The following KMT2B variants were observed in gnomAD, a reference collection of about 807,000 sequenced individuals.
KMT2B encodes the protein histone-lysine N-methyltransferase 2B.
Under a neutral mutation model 255.3 loss-of-function variants are expected in KMT2B, and 22 were observed. The observed-to-expected ratio is 0.09, with a 90% CI of 0.06 to 0.12. The LOEUF (loss-of-function observed/expected upper bound fraction) is 0.12, where lower values mean the gene tolerates loss of function less well. KMT2B is among the 10% of genes least tolerant of loss of function. The probability of loss-of-function intolerance (pLI) is 1.00; values close to 1 mark genes in which losing one functional copy is unlikely to be tolerated. For missense variants in KMT2B, 3,149 were observed against 3,737.0 expected (o/e 0.84, Z 4.10); for synonymous variants, 1,730 against 1,498.1 (o/e 1.15, Z -3.57).
intron 30 of KMT2B, among the ~76,000 whole-genome samples, chr19:35,735,000 G>A (rs772202848): frequency 3.9e-5 from 6 of 152,168 alleles, no homozygotes; most frequent in African/African-American, 7.2e-5. Context: ...ATTTTGGTGC[G>A]GGACACAGAC....
intron 3 of KMT2B, among the ~76,000 whole-genome samples, chr19:35,722,046 C>T (rs534944723): frequency 6.6e-6 from 1 of 150,868 alleles, no homozygotes; most frequent in South Asian, 2.1e-4. Flanking sequence ...CTCACTTTGT[C>T]CAGGCTGGAG....
chr19:35,722,339 C>G lies in KMT2B; in HGVS notation c.2458-20C>G. ...TCTTTCCTCACTGTCCAGCCCCTGA[C>G]CCTGTTTATTCCCTGCCAGCTGAGC... On this transcript the variant is annotated intron_variant, in intron 3 of 36. Transcript: ENST00000420124. 6.3e-7 allele frequency: 1 copy of G among 1,593,128 alleles called. No homozygotes were observed.
rs1969949727 is a variant in KMT2B at position 35,737,123 on chromosome 19, T to A, written c.7410T>A (p.Asp2470Glu). 1 of 1,610,932 alleles carries A rather than the reference T, an allele frequency of 6.2e-7. No individual in the cohort carries two copies. The highest frequency in any genetic ancestry group is 1.1e-5 in the South Asian group (1 of 90,700). The change falls in exon 33 of 37, where the codon GAT becomes GAA. Residue 2470 changes from aspartate (D) to glutamate (E), a missense_variant. By Grantham distance (45) the Asp-to-Glu change is conservative. Coordinates refer to ENST00000420124, the MANE Select transcript of KMT2B (RefSeq NM_014727.3). This position sits in a 1 kb window ranked among gnomAD's most constrained non-coding sequence, Gnocchi z 5.3. ...CGAGACTCCTGGGCATCCACCATGA[T>A]GCTGTCATCTTCCTGGCCGAGCAGC... ...SGARLLGIHHDAVIFLAEQLP... is the reference protein window; with the variant it reads ...SGARLLGIHHEAVIFLAEQLP...
intron 20 of KMT2B, 47 bp downstream of exon 20, chr19:35,728,936 C>G (rs891359697): frequency 1.2e-6 from 2 of 1,612,500 alleles, no homozygotes; most frequent in Non-Finnish European, 1.7e-6. Context: ...TGTTGGTGGC[C>G]TGGCTCCGGG....
chr19:35,718,856 C>T lies in KMT2B; in HGVS notation c.363+475C>T, dbSNP rs1295028274. On this transcript the variant is annotated intron_variant, in intron 1 of 36. Transcript: ENST00000420124. The surrounding 1 kb of genome is among the most constrained non-coding windows in gnomAD (Gnocchi z 5.0). ...CTCAGGTAGAGTGGTGGAGGGCTTC[C>T]TCTTGGGGCTCGGGTTGAACAGGAG... 6.6e-6 allele frequency among the ~76,000 whole-genome samples: 1 copy of T among 152,178 alleles called. No homozygotes were observed. The highest frequency in any genetic ancestry group is 2.4e-5 in the African/African-American group (1 of 41,442).
intron 26 of KMT2B, among the ~76,000 whole-genome samples, chr19:35,731,368 G>A (rs959824965): frequency 1.1e-4 from 16 of 152,226 alleles, no homozygotes; most frequent in African/African-American, 3.6e-4. Flanking sequence ...GTTATTGTGG[G>A]CAGAGCAGGA....
intron 14 of KMT2B, among the ~76,000 whole-genome samples, 154 bp downstream of exon 14, chr19:35,726,507 C>T (rs911318377): frequency 1.3e-5 from 2 of 152,040 alleles, no homozygotes; most frequent in Admixed American, 6.6e-5. Context: ...CACAGGAGTC[C>T]ATCCAGTATG....
chr19:35,722,333 C>G (rs1359228632), intron 3 of KMT2B, 26 bp from the exon 4 acceptor site: 23 of 1,583,794 alleles, frequency 1.5e-5, no homozygotes, highest in Non-Finnish European at 2.0e-5. Flanking sequence ...ACTGTCCAGC[C>G]CCTGACCCTG....
At chr19:35,722,971 C>G (rs1969281261) in intron 5 of KMT2B, 24 bp from the exon 6 acceptor site, 1 of 1,525,450 alleles carries the variant, frequency 6.6e-7, no homozygotes, top group Admixed American at 2.0e-5. Flanking sequence ...GGCTCCATCC[C>G]CTCCTCCCTG....
rs1250827332 is a variant in KMT2B at position 35,728,853 on chromosome 19, C to T, written c.4651C>T (p.Pro1551Ser). 1 of 1,613,936 alleles carries T rather than the reference C, an allele frequency of 6.2e-7. No homozygotes were observed. The highest frequency in any genetic ancestry group is 1.1e-5 in the South Asian group (1 of 91,082). ...AQWRQQEPET[P>S]ESGQPPGDPS... ...GTGGAGACAGCAGGAACCAGAGACC[C>T]CAGAATCAGGGCAGCCTCCAGGGGA... The change falls in exon 20 of 37, where the codon CCA becomes TCA. Residue 1551 changes from proline to serine, a missense_variant. Coordinates refer to ENST00000420124, the MANE Select transcript of KMT2B (RefSeq NM_014727.3).
chr19:35,718,413 G>A lies in KMT2B; in HGVS notation c.363+32G>A, dbSNP rs1969042881. 3.2e-6 allele frequency: 4 copies of A among 1,244,260 alleles called. No individual in the cohort carries two copies. In the African/African-American group the frequency reaches 6.2e-5, roughly 19 times the overall value. 77.1% of individuals were successfully genotyped at this position (1,244,260 alleles called of 1,614,324 possible). ...CGGTTGGAGGCGTCCCCGGCGCCGGGTGGGGCGGAGGCCGGGGCTTCCAGG... is the reference window on the plus strand; with the variant it reads ...CGGTTGGAGGCGTCCCCGGCGCCGGATGGGGCGGAGGCCGGGGCTTCCAGG... On this transcript the variant is annotated intron_variant, in intron 1 of 36. Coordinates refer to ENST00000420124, the MANE Select transcript of KMT2B (RefSeq NM_014727.3). This position sits in a 1 kb window ranked among gnomAD's most constrained non-coding sequence, Gnocchi z 5.0.
In KMT2B at chr19:35,732,682, C is replaced by T. The variant is rs1969755093; in HGVS notation, c.6133C>T (p.Pro2045Ser). Residue 2045 changes from proline (P) to serine (S), a missense_variant, in exon 28 of 37, where the codon CCT becomes TCT. Physicochemically the swap from Pro to Ser is moderately conservative, Grantham distance 74. Transcript: ENST00000420124. The part of the protein sequence containing the change: ...IHFPVTVVSA[P>S]GLAPSATPGA... ...CTTCCCTGTGACTGTGGTGTCCGCC[C>T]CTGGTCTGGCCCCCAGCGCTACCCC... 3 of 1,608,930 alleles carry T rather than the reference C, an allele frequency of 1.9e-6. No homozygotes were observed. Among genetic ancestry groups the T allele is most frequent in the Non-Finnish European group, 2.5e-6 (3 of 1,178,014 alleles).
rs1301137314 is a variant in KMT2B at position 35,719,975 on chromosome 19, G to A, written c.628G>A (p.Ala210Thr). 1.2e-6 allele frequency: 2 copies of A among 1,613,248 alleles called. No homozygotes were observed. The highest frequency in any genetic ancestry group is 1.7e-6 in the Non-Finnish European group (2 of 1,179,794). ...AQAPQAPRSR[A>T]CEPSTPRRSR... ...GGCACCCCAAGCACCCCGGAGCCGG[G>A]CATGTGAGCCCTCCACCCCCCGGCG... The change falls in exon 3 of 37, where the codon GCA (alanine) becomes ACA (threonine). Residue 210 changes from alanine (A) to threonine (T), a missense_variant. Coordinates refer to ENST00000420124, the MANE Select transcript of KMT2B (RefSeq NM_014727.3).
Position 35,726,298 on chromosome 19 carries a change from C to T in KMT2B, c.3948C>T (p.Val1316=). ...CAACTCCAGGCAAGAACTGGGACGT[C>T]GAGTGGTCTGGAGATTACAGCCTCT... ...CGATPGKNWD[V]EWSGDYSLCP... The change falls in exon 14 of 37, where the codon GTC becomes GTT. Residue 1316 remains valine (V), a synonymous_variant. Coordinates refer to ENST00000420124, the MANE Select transcript of KMT2B (RefSeq NM_014727.3). 5.6e-6 allele frequency: 9 copies of T among 1,613,792 alleles called. No homozygotes were observed. Among genetic ancestry groups the T allele is most frequent in the Non-Finnish European group, 7.6e-6 (9 of 1,179,858 alleles).
rs1224182698 is a variant in KMT2B at position 35,732,119 on chromosome 19, C to G, written c.5649C>G (p.Gly1883=). The G allele has an allele frequency of 6.3e-7, 1 of 1,596,610 alleles. No individual in the cohort carries two copies. Among genetic ancestry groups the G allele is most frequent in the East Asian group, 2.3e-5 (1 of 43,730 alleles). The stretch of plus-strand genomic sequence containing the variant: ...GGCCCTTGGGGGGTGTCTCCTTTGG[C>G]CCCCTGCCCTCCCCTGGTGAGCACC... ...SRRPLGGVSF[G]PLPSPGSPSS... is the part of the protein sequence containing the mutation. The change falls in exon 27 of 37, where the codon GGC becomes GGG. Residue 1883 remains glycine (G), a synonymous_variant. Transcript: ENST00000420124.
intron 8 of KMT2B, 146 bp downstream of exon 8, chr19:35,724,153 G>T (rs2146447151): frequency 5.3e-6 from 4 of 753,370 alleles, no homozygotes; most frequent in Non-Finnish European, 8.4e-6. Context: ...TTTTTAGGTG[G>T]ATGTACAGAA....
At position 35,733,359 on chromosome 19, in the gene KMT2B, C is replaced by T. The variant is rs765889623; in HGVS notation, c.6810C>T (p.Ser2270=). 9 of 1,547,540 alleles carry T rather than the reference C, an allele frequency of 5.8e-6. No homozygotes were observed. Among genetic ancestry groups the T allele is most frequent in the Non-Finnish European group, 7.0e-6 (8 of 1,145,510 alleles). ...LTLVLSSGPA[S]PPRQAIRVKR... ...TGGTGCTGAGCAGTGGGCCAGCCAGCCCGCCCCGCCAGGCCATCCGCGTCA... is the reference window on the plus strand; with the variant it reads ...TGGTGCTGAGCAGTGGGCCAGCCAGTCCGCCCCGCCAGGCCATCCGCGTCA... The change falls in exon 28 of 37, where the codon AGC becomes AGT. Residue 2270 remains serine (S), a synonymous_variant. Transcript: ENST00000420124. The surrounding 1 kb of genome is among the most constrained non-coding windows in gnomAD (Gnocchi z 4.3).
chr19:35,733,117 A>G lies in KMT2B; in HGVS notation c.6568A>G (p.Lys2190Glu). 1.9e-6 allele frequency: 3 copies of G among 1,591,152 alleles called. No homozygotes were observed. Among genetic ancestry groups the G allele is most frequent in the Non-Finnish European group, 2.6e-6 (3 of 1,168,582 alleles). The change falls in exon 28 of 37, where the codon AAA (lysine) becomes GAA (glutamate). Residue 2190 changes from lysine (K) to glutamate (E), a missense_variant. Lys to Glu is a moderately conservative substitution (Grantham distance 56). Around this residue, in one of 18 missense-constraint regions of KMT2B, gnomAD observed 897 missense variants for 825.3 expected, o/e 1.09. Coordinates refer to ENST00000420124, the MANE Select transcript of KMT2B (RefSeq NM_014727.3). This position sits in a 1 kb window ranked among gnomAD's most constrained non-coding sequence, Gnocchi z 4.3. Reference protein sequence around the residue: ...APEPPKPATSKIILVNKLGQV... With the variant: ...APEPPKPATSEIILVNKLGQV... Reference sequence around the variant, plus strand: ...TGAGCCCCCCAAACCCGCCACATCCAAAATCATACTTGTCAACAAGCTGGG... The same window carrying G: ...TGAGCCCCCCAAACCCGCCACATCCGAAATCATACTTGTCAACAAGCTGGG...
rs1337468414 is a variant in KMT2B, at chr19:35,732,817, G to C, written c.6268G>C (p.Val2090Leu). 1 of 1,606,716 alleles carries C rather than the reference G, an allele frequency of 6.2e-7. No individual in the cohort carries two copies. ...GQGTPPSGPG[V>L]VRAGVLGAAG... ...GGGCACGCCTCCTTCGGGGCCAGGA[G>C]TAGTCCGGGCAGGGGTCCTTGGGGC... is the stretch of plus-strand genomic sequence containing the variant. The change falls in exon 28 of 37, where the codon GTA (valine) becomes CTA (leucine). Residue 2090 changes from valine (V) to leucine (L), a missense_variant. By Grantham distance (32) the Val-to-Leu change is conservative. Around this residue, in one of 18 missense-constraint regions of KMT2B, gnomAD observed 897 missense variants for 825.3 expected, o/e 1.09. Transcript: ENST00000420124.
Sources: allele counts gnomAD v4.1 joint callset (sites outside exome capture counted in the v4.1 genomes callset), GRCh38; gene constraint gnomAD v4.1.1; regional missense constraint gnomAD v4.1.1; non-coding constraint Gnocchi (gnomAD v3.1); transcripts MANE v1.5; gene names NCBI Gene and HGNC (gene_info 2026-07-23, HGNC 2026-07-21).